ARHGAP24: variants seen among roughly 807,000 people sequenced by gnomAD.
ARHGAP24 encodes rho GTPase-activating protein 24.
ARHGAP24 carries 50 observed loss-of-function variants against 76.4 expected under a neutral mutation model. That is an observed-to-expected ratio of 0.65 (90% CI 0.52 to 0.83). The LOEUF (loss-of-function observed/expected upper bound fraction) is 0.83. Among genes scored for constraint, ARHGAP24 ranks in the 40% least tolerant of loss-of-function variants. ARHGAP24 has a pLI of 0.00. For missense variants in ARHGAP24, 930 were observed against 914.2 expected, an observed-to-expected ratio of 1.02 and a Z score of -0.22; for synonymous variants, 345 against 323.3, an observed-to-expected ratio of 1.07 and a Z score of -0.72.
At chr4:85,572,381 G>T (rs1727174278) in intron 2 of ARHGAP24, among the ~76,000 whole-genome samples, 1 of 152,026 alleles carries the variant, frequency 6.6e-6, no homozygotes, top group Middle Eastern at 3.2e-3. Flanking sequence ...TATCTTTTTT[G>T]AACAATTTAG....
intron 3 of ARHGAP24, among the ~76,000 whole-genome samples, chr4:85,856,967 C>T (rs1449544595): frequency 6.6e-6 from 1 of 151,978 alleles, no homozygotes; most frequent in African/African-American, 2.4e-5. Flanking sequence ...ATAAACATCT[C>T]GTGAATGTAG....
chr4:85,744,049 A>C (rs1019357661), intron 3 of ARHGAP24, among the ~76,000 whole-genome samples: 5 of 152,172 alleles, frequency 3.3e-5, no homozygotes, highest in African/African-American at 1.2e-4. Context: ...TAAAAACAAA[A>C]ACAAAAACAA....
chr4:85,663,407 G>T (rs1317716005), intron 2 of ARHGAP24, among the ~76,000 whole-genome samples: 1 of 145,936 alleles, frequency 6.9e-6, no homozygotes, highest in Non-Finnish European at 1.5e-5. Context: ...ATCAGCTTAA[G>T]GAGATTGTGG....
chr4:85,614,378 TA>T (rs1486047105), intron 2 of ARHGAP24, among the ~76,000 whole-genome samples: 1 of 152,098 alleles, frequency 6.6e-6, no homozygotes, highest in Non-Finnish European at 1.5e-5. Context: ...AATTAAATTT[TA>T]ATAAATATTT....
intron 4 of ARHGAP24, among the ~76,000 whole-genome samples, chr4:85,934,767 G>A (rs373511549): frequency 5.3e-5 from 8 of 152,152 alleles, no homozygotes; most frequent in African/African-American, 1.9e-4. Context: ...CTCCCACCTC[G>A]GCCTCCCAAA....
At chr4:85,783,755 A>T (rs1374907566) in intron 3 of ARHGAP24, among the ~76,000 whole-genome samples, 1 of 152,204 alleles carries the variant, frequency 6.6e-6, no homozygotes, top group African/African-American at 2.4e-5. Flanking sequence ...TAAACATATG[A>T]TAGCTATGGG....
chr4:85,966,374 G>T (rs573665804), intron 5 of ARHGAP24, among the ~76,000 whole-genome samples: 25 of 152,244 alleles, frequency 1.6e-4, no homozygotes, highest in Non-Finnish European at 1.5e-5. Flanking sequence ...ATTCTACTGG[G>T]ACAAGCACTA....
chr4:85,662,368 G>GT (rs1311108773), intron 2 of ARHGAP24, among the ~76,000 whole-genome samples: 1 of 150,692 alleles, frequency 6.6e-6, no homozygotes, highest in Non-Finnish European at 1.5e-5. Flanking sequence ...GGGGTTGTTT[G>GT]TTTTTTTATT....
intron 3 of ARHGAP24, among the ~76,000 whole-genome samples, chr4:85,802,617 C>A (rs987883033): frequency 1.3e-5 from 2 of 152,314 alleles, no homozygotes; most frequent in South Asian, 4.1e-4. Context: ...CATGGAGAAA[C>A]CTCATCTCTT....
rs370419807 is a variant in ARHGAP24, at chr4:85,498,337, T to G, written c.-21+22778T>G. Among the ~76,000 whole-genome samples, 6 of 152,248 alleles carry G rather than the reference T, an allele frequency of 3.9e-5. No homozygotes were observed. The South Asian group carries it at 6.2e-4, about 16-fold the overall frequency. On this transcript the variant is annotated intron_variant, in intron 1 of 9. Transcript: ENST00000395184. ...GGCCTGGCCATGCTAGCTTTGTGTG[T>G]GCTTTCCTTGCTCCTTTAAGCCAAC... is the stretch of plus-strand genomic sequence containing the variant.
chr4:85,608,459 T>C (rs1291053874), intron 2 of ARHGAP24, among the ~76,000 whole-genome samples: 1 of 152,102 alleles, frequency 6.6e-6, no homozygotes, highest in Non-Finnish European at 1.5e-5. Context: ...ATTTATTATT[T>C]ACATATAAAC....
intron 2 of ARHGAP24, among the ~76,000 whole-genome samples, chr4:85,608,603 G>A (rs1720284073): frequency 7.4e-6 from 1 of 134,496 alleles, no homozygotes; most frequent in South Asian, 2.4e-4. Context: ...CTGTCGCCAG[G>A]CTGGAGTACA....
chr4:85,663,628 C>A (rs201880919), intron 2 of ARHGAP24, among the ~76,000 whole-genome samples: 116,400 of 140,662 alleles, frequency 0.83, 48,304 homozygotes, highest in African/African-American at 0.95. Flanking sequence ...CAGTTTTTGC[C>A]CATTCAGTAT....
chr4:85,697,049 C>A (rs114844176), intron 2 of ARHGAP24, among the ~76,000 whole-genome samples: 1 of 152,002 alleles, frequency 6.6e-6, no homozygotes, highest in Non-Finnish European at 1.5e-5. Context: ...AAGAAAAATC[C>A]CCTTTTAGTT....
intron 8 of ARHGAP24, among the ~76,000 whole-genome samples, chr4:85,983,839 T>G (rs1739829437): frequency 6.6e-6 from 1 of 152,206 alleles, no homozygotes. Context: ...ACAAATAAGT[T>G]TCTCCTCTTT....
chr4:85,774,239 A>C (rs1727229456), intron 3 of ARHGAP24, among the ~76,000 whole-genome samples: 1 of 152,196 alleles, frequency 6.6e-6, no homozygotes, highest in Admixed American at 6.6e-5. Flanking sequence ...AGAACAGGTA[A>C]TTAGGAAGCA....
At chr4:85,574,518 T>A (rs972202180) in intron 2 of ARHGAP24, among the ~76,000 whole-genome samples, 1 of 152,120 alleles carries the variant, frequency 6.6e-6, no homozygotes, top group African/African-American at 2.4e-5. Context: ...AAAATAGATA[T>A]CTATAGATAG....
chr4:85,888,873 G>A (rs578193248), intron 3 of ARHGAP24, among the ~76,000 whole-genome samples: 4 of 152,184 alleles, frequency 2.6e-5, no homozygotes, highest in African/African-American at 9.6e-5. Context: ...AGAACATCTG[G>A]TATTTGGTTT....
At chr4:85,842,539 C>T (rs1007024722) in intron 3 of ARHGAP24, among the ~76,000 whole-genome samples, 1 of 152,164 alleles carries the variant, frequency 6.6e-6, no homozygotes, top group Non-Finnish European at 1.5e-5. Context: ...AAAAGTGCCA[C>T]TTTACCTCAA....
Sources: gnomAD v4.1 joint callset for allele counts (sites outside exome capture counted in the v4.1 genomes callset) on GRCh38, gnomAD v4.1.1 for gene constraint, MANE v1.5 for transcripts, NCBI Gene and HGNC (gene_info 2026-07-23, HGNC 2026-07-21) for gene names.